The following RELN variants were observed in gnomAD, a reference collection of about 807,000 sequenced individuals.
RELN encodes the protein reelin.
Under a neutral mutation model 427.6 loss-of-function variants are expected in RELN, and 108 were observed. The ratio of observed to expected loss-of-function variants is 0.25; its 90% CI spans 0.22 to 0.30. The LOEUF (loss-of-function observed/expected upper bound fraction) is 0.30, where lower values mean the gene tolerates loss of function less well. Ranked by LOEUF, RELN falls within the 10% of genes least tolerant of loss-of-function variation. The pLI is 1.00. For missense variants in RELN, 3,715 were observed against 4,302.8 expected, an observed-to-expected ratio of 0.86 and a Z score of 3.82; for synonymous variants, 1,524 against 1,513.4, an observed-to-expected ratio of 1.01 and a Z score of -0.16.
rs754436964 is a variant in RELN, at chr7:103,482,873, A to G, written c.10280T>C (p.Leu3427Pro). The G allele has an allele frequency of 6.2e-7, 1 of 1,614,170 alleles. No homozygotes were observed. ...GGGATGCCATGTAATAGATACTCAC[A>G]GGACGACCTCCACATGGTCCAAAGC... The part of the protein sequence containing the change: ...QWALDHVEVV[L>P]VSTRKQNYMM... The change falls in exon 63 of 65, where the codon CTA (leucine) becomes CCA (proline). Residue 3427 changes from leucine (L) to proline (P), a missense_variant and splice_region_variant. Around this residue, in one of 4 missense-constraint regions of RELN, gnomAD observed 195 missense variants for 281.3 expected, o/e 0.69. Coordinates refer to ENST00000428762, the MANE Select transcript of RELN (RefSeq NM_005045.4).
chr7:103,985,638 A>C (rs1797081576), intron 1 of RELN, among the ~76,000 whole-genome samples: 1 of 152,328 alleles, frequency 6.6e-6, no homozygotes, highest in South Asian at 2.1e-4. Context: ...AAGAGGGGAA[A>C]GACATCTTTC....
chr7:103,892,562 T>A (rs542582075), intron 2 of RELN, among the ~76,000 whole-genome samples: 1 of 152,298 alleles, frequency 6.6e-6, no homozygotes, highest in African/African-American at 2.4e-5. Flanking sequence ...GTAACTTTTT[T>A]ATAAGATCAC....
At position 103,856,501 on chromosome 7, in the gene RELN, G is replaced by A. The variant is rs185678709; in HGVS notation, c.338-22829C>T. On this transcript the variant is annotated intron_variant, in intron 2 of 64. Transcript: ENST00000428762. ...GGAGAATTGCTTGAACCCAGGAAGC[G>A]GAGATTGCAGTGATCCAAGATTGCC... Among the ~76,000 whole-genome samples the A allele has an allele frequency of 4.0e-4, 59 of 149,046 alleles. No homozygotes were observed. In the South Asian group the frequency reaches 4.3e-3, roughly 11 times the overall value.
At chr7:103,632,962 C>G (rs1468650242) in intron 19 of RELN, among the ~76,000 whole-genome samples, 1 of 151,846 alleles carries the variant, frequency 6.6e-6, no homozygotes, top group Non-Finnish European at 1.5e-5. Flanking sequence ...AGAAGAAAAG[C>G]TAGGATAATT....
intron 28 of RELN, among the ~76,000 whole-genome samples, chr7:103,576,788 C>A (rs146751134): frequency 1.3e-5 from 2 of 152,306 alleles, no homozygotes; most frequent in East Asian, 3.9e-4. Flanking sequence ...AAAGAAGGAC[C>A]TAGTCCCAGT....
intron 3 of RELN, among the ~76,000 whole-genome samples, chr7:103,781,595 G>C (rs1004080390): frequency 6.6e-6 from 1 of 152,020 alleles, no homozygotes; most frequent in Non-Finnish European, 1.5e-5. Flanking sequence ...TTGTGCAATA[G>C]ATATCTTGAA....
At chr7:103,936,039 T>G (rs542888513) in intron 1 of RELN, among the ~76,000 whole-genome samples, 1 of 152,040 alleles carries the variant, frequency 6.6e-6, no homozygotes, top group South Asian at 2.1e-4. Context: ...GATTCAAATC[T>G]CAAGTCTGTT....
intron 6 of RELN, among the ~76,000 whole-genome samples, chr7:103,738,828 G>T (rs1025121430): frequency 6.6e-6 from 1 of 151,572 alleles, no homozygotes; most frequent in Non-Finnish European, 1.5e-5. Flanking sequence ...GACTACAGCT[G>T]CATGCCATCA....
intron 1 of RELN, among the ~76,000 whole-genome samples, chr7:103,951,346 G>T (rs1796327284): frequency 6.6e-6 from 1 of 152,176 alleles, no homozygotes; most frequent in African/African-American, 2.4e-5. Flanking sequence ...ATATTCTAGA[G>T]ATACGATATT....
Position 103,604,329 on chromosome 7 carries a change from C to T in RELN, c.3146+17G>A, listed in dbSNP as rs1831759722. 6.2e-7 allele frequency: 1 copy of T among 1,613,632 alleles called. No individual in the cohort carries two copies. Among genetic ancestry groups the T allele is most frequent in the Non-Finnish European group, 8.5e-7 (1 of 1,179,732 alleles). On this transcript the variant is annotated intron_variant, in intron 23 of 64. Coordinates refer to ENST00000428762, the MANE Select transcript of RELN (RefSeq NM_005045.4). Reference sequence around the variant, plus strand: ...CTTGAGAAGCATGGACCTCATCGTGCTTTCTGGTGCACATACCTGCATATG... The same window carrying T: ...CTTGAGAAGCATGGACCTCATCGTGTTTTCTGGTGCACATACCTGCATATG...
At chr7:103,852,855 A>C (rs191329076) in intron 2 of RELN, among the ~76,000 whole-genome samples, 2 of 152,202 alleles carry the variant, frequency 1.3e-5, no homozygotes, top group Admixed American at 6.5e-5. Context: ...ATTAATTCTG[A>C]TGATAAAATA....
intron 48 of RELN, among the ~76,000 whole-genome samples, chr7:103,520,954 GTTATTTTTTTTTTTTTTTTTTTTT>G (rs1829687955): frequency 1.3e-5 from 1 of 78,190 alleles, no homozygotes; most frequent in Non-Finnish European, 2.5e-5. Flanking sequence ...CAGTAAATTT[GTTATTTTTTTTTTTTTTTTTTTTT>G]TTTTTTTTTG....
intron 6 of RELN, among the ~76,000 whole-genome samples, chr7:103,740,235 G>C (rs930215078): frequency 2.0e-5 from 3 of 152,178 alleles, no homozygotes; most frequent in Admixed American, 2.0e-4. Context: ...TTGGGTTATG[G>C]AAGAATAAAG....
chr7:103,759,053 T>A (rs1471155896), intron 4 of RELN, among the ~76,000 whole-genome samples: 1 of 152,086 alleles, frequency 6.6e-6, no homozygotes, highest in Non-Finnish European at 1.5e-5. Context: ...CTTAAACATG[T>A]TAAGAATAAA....
chr7:103,527,986 G>GTA (rs1829861713), intron 46 of RELN, among the ~76,000 whole-genome samples: 2 of 152,204 alleles, frequency 1.3e-5, no homozygotes, highest in Non-Finnish European at 2.9e-5. Flanking sequence ...ATGTAAAAGA[G>GTA]TACAGCTGTT....
intron 8 of RELN, among the ~76,000 whole-genome samples, chr7:103,718,749 G>A (rs1790003944): frequency 6.6e-6 from 1 of 152,134 alleles, no homozygotes; most frequent in Non-Finnish European, 1.5e-5. Context: ...TAGTGACTGA[G>A]GATACTGTGA....
chr7:103,913,791 T>G (rs542753255), intron 2 of RELN, among the ~76,000 whole-genome samples: 36 of 152,318 alleles, frequency 2.4e-4, no homozygotes, highest in African/African-American at 8.4e-4. Context: ...TTATATAATA[T>G]CCAGGCATAT....
intron 20 of RELN, among the ~76,000 whole-genome samples, chr7:103,612,557 G>A (rs918060835): frequency 1.3e-5 from 2 of 152,078 alleles, no homozygotes; most frequent in African/African-American, 2.4e-5. Context: ...TTATAGGCAT[G>A]AGCCACCGCG....
At chr7:103,959,266 C>A (rs1287133183) in intron 1 of RELN, among the ~76,000 whole-genome samples, 1 of 152,140 alleles carries the variant, frequency 6.6e-6, no homozygotes, top group Non-Finnish European at 1.5e-5. Context: ...TCATACACTG[C>A]TCCTTTCCCT....
Sources: gnomAD v4.1 joint callset for allele counts (sites outside exome capture counted in the v4.1 genomes callset) on GRCh38, gnomAD v4.1.1 for gene constraint, gnomAD v4.1.1 regional missense constraint, MANE v1.5 for transcripts, NCBI Gene and HGNC (gene_info 2026-07-23, HGNC 2026-07-21) for gene names.